Variants in XPO6 observed in about 807,000 individuals in gnomAD.
XPO6 encodes the protein exportin-6.
XPO6 carries 3 observed loss-of-function variants against 130.0 expected under a neutral mutation model. That is an observed-to-expected ratio of 0.02 (90% CI 0.01 to 0.06). The LOEUF (loss-of-function observed/expected upper bound fraction) is 0.06, where lower values mean the gene tolerates loss of function less well. Ranked by LOEUF, XPO6 falls within the 10% of genes least tolerant of loss-of-function variation. The pLI, the probability that XPO6 is intolerant of heterozygous loss-of-function variation, is 1.00. For missense variants in XPO6, 970 were observed against 1,393.0 expected (o/e 0.70, Z 4.83); for synonymous variants, 524 against 548.9 (o/e 0.95, Z 0.63).
At chr16:28,130,696 A>C (rs2141282135) in intron 12 of XPO6, among the ~76,000 whole-genome samples, 1 of 152,088 alleles carries the variant, frequency 6.6e-6, no homozygotes, top group South Asian at 2.1e-4. Flanking sequence ...AGTTCTGTGA[A>C]ATTGCCAGTA....
chr16:28,177,559 C>T (rs1279750284), intron 2 of XPO6, among the ~76,000 whole-genome samples: 2 of 152,158 alleles, frequency 1.3e-5, no homozygotes, highest in Non-Finnish European at 2.9e-5. Flanking sequence ...CCAATAACCT[C>T]GCTATGGATA....
At chr16:28,160,282 T>C (rs1188887085) in intron 6 of XPO6, among the ~76,000 whole-genome samples, 4 of 149,224 alleles carry the variant, frequency 2.7e-5, no homozygotes, top group Non-Finnish European at 5.9e-5. Context: ...AGCGGATAAA[T>C]CACTTGAGGT....
intron 1 of XPO6, among the ~76,000 whole-genome samples, chr16:28,199,558 T>A (rs2043922983): frequency 6.6e-6 from 1 of 151,380 alleles, no homozygotes; most frequent in East Asian, 2.0e-4. Flanking sequence ...ATTACAGGAG[T>A]GAGCCACCAT....
chr16:28,137,701 A>G (rs2042807004), intron 9 of XPO6, among the ~76,000 whole-genome samples: 1 of 151,736 alleles, frequency 6.6e-6, no homozygotes, highest in Non-Finnish European at 1.5e-5. Flanking sequence ...GTATTTATTT[A>G]CTTATTTTTT....
chr16:28,148,553 CA>C (rs2043025637), intron 8 of XPO6, among the ~76,000 whole-genome samples: 1 of 152,176 alleles, frequency 6.6e-6, no homozygotes, highest in Non-Finnish European at 1.5e-5. Context: ...CTAATGATAC[CA>C]TTCTATCTTC....
At chr16:28,164,523 C>G (rs1324773463) in intron 6 of XPO6, among the ~76,000 whole-genome samples, 1 of 152,168 alleles carries the variant, frequency 6.6e-6, no homozygotes, top group African/African-American at 2.4e-5. Context: ...ACATAACTCC[C>G]TAAGTGCCCC....
rs2086926392 is a variant in XPO6, at chr16:28,111,726, C to T, written c.2341+91G>A. On this transcript the variant is annotated intron_variant, in intron 17 of 23. Coordinates refer to ENST00000304658, the MANE Select transcript of XPO6 (RefSeq NM_015171.4). ...GGGACTATGAACAAAAAAAATTTAC[C>T]TCAGGAGCCTCCGGGGCAAATCTCA... 6 of 1,472,862 alleles carry T rather than the reference C, an allele frequency of 4.1e-6. No homozygotes were observed. The Admixed American group carries it at 1.3e-4, about 32-fold the overall frequency. The allele number at this position is 1,472,862 out of a possible 1,614,324, so 91.2% of individuals were successfully genotyped here. A position where few individuals can be genotyped will look rare whatever the true frequency, so the allele number is the denominator to read the frequency against.
At chr16:28,173,000 T>C (rs1359263338) in intron 4 of XPO6, 1 of 152,158 alleles carries the variant, frequency 6.6e-6, no homozygotes, top group Non-Finnish European at 1.5e-5. Flanking sequence ...AGTAAACATG[T>C]ATAGTTTTTT....
At chr16:28,153,977 A>G in intron 7 of XPO6, 2 of 985,354 alleles carry the variant, frequency 2.0e-6, no homozygotes, top group Non-Finnish European at 2.4e-6. Flanking sequence ...CAGCTTTTTA[A>G]AAAATACATA....
At chr16:28,186,812 A>G (rs1169465507) in intron 1 of XPO6, among the ~76,000 whole-genome samples, 1 of 152,110 alleles carries the variant, frequency 6.6e-6, no homozygotes, top group East Asian at 1.9e-4. Context: ...AGCTGAGACT[A>G]TAGGCACATG....
At chr16:28,187,071 T>C (rs2043707184) in intron 1 of XPO6, among the ~76,000 whole-genome samples, 2 of 152,026 alleles carry the variant, frequency 1.3e-5, no homozygotes, top group African/African-American at 4.8e-5. Flanking sequence ...GAAAACTAAC[T>C]CTATCTGAAG....
intron 23 of XPO6, among the ~76,000 whole-genome samples, chr16:28,099,195 C>G (rs921684122): frequency 2.0e-5 from 3 of 152,178 alleles, no homozygotes; most frequent in Non-Finnish European, 4.4e-5. Context: ...AAACACAGTC[C>G]CAAGGCCTGT....
At chr16:28,127,805 T>C (rs534374302) in intron 12 of XPO6, among the ~76,000 whole-genome samples, 3 of 152,108 alleles carry the variant, frequency 2.0e-5, no homozygotes, top group South Asian at 4.1e-4. Flanking sequence ...AAGAGGTAAC[T>C]CATGGAAGGA....
intron 1 of XPO6, among the ~76,000 whole-genome samples, chr16:28,195,954 T>C (rs2043855270): frequency 6.6e-6 from 1 of 152,196 alleles, no homozygotes; most frequent in Admixed American, 6.5e-5. Context: ...GAACTTGCAC[T>C]TACCTGCAAG....
intron 1 of XPO6, among the ~76,000 whole-genome samples, chr16:28,210,775 T>G (rs765377888): frequency 3.9e-5 from 6 of 152,328 alleles, no homozygotes; most frequent in Non-Finnish European, 8.8e-5. Flanking sequence ...CATTCCTGAC[T>G]TTGCCATCAC....
chr16:28,170,346 A>G (rs986808694), intron 4 of XPO6, among the ~76,000 whole-genome samples: 6 of 151,854 alleles, frequency 4.0e-5, no homozygotes, highest in Non-Finnish European at 5.9e-5. Context: ...AAAAAAAAAA[A>G]AAAAGAAACA....
intron 1 of XPO6, among the ~76,000 whole-genome samples, chr16:28,207,039 G>A (rs1349632916): frequency 6.6e-6 from 1 of 151,952 alleles, no homozygotes; most frequent in Non-Finnish European, 1.5e-5. Flanking sequence ...CTGAGGTCTG[G>A]AGTTCGAGAC....
At chr16:28,165,493 A>C (rs929520576) in intron 6 of XPO6, 5 of 152,242 alleles carry the variant, frequency 3.3e-5, no homozygotes, top group African/African-American at 1.2e-4. Flanking sequence ...CAGTATGACA[A>C]ATGGCTCTCT....
intron 14 of XPO6, among the ~76,000 whole-genome samples, chr16:28,118,956 G>A (rs922075826): frequency 1.3e-5 from 2 of 152,200 alleles, no homozygotes; most frequent in Non-Finnish European, 2.9e-5. Flanking sequence ...CTACTGGATT[G>A]TCACTGTTTC....
Sources: allele counts gnomAD v4.1 joint callset (sites outside exome capture counted in the v4.1 genomes callset), GRCh38; gene constraint gnomAD v4.1.1; transcripts MANE v1.5; gene names NCBI Gene and HGNC (gene_info 2026-07-23, HGNC 2026-07-21).